Variants in RUNX1 observed in about 807,000 individuals in gnomAD.
RUNX1 encodes the protein runt-related transcription factor 1.
A neutral mutation model predicts 42.8 loss-of-function variants in RUNX1; 19 were observed. The ratio of observed to expected loss-of-function variants is 0.44; its 90% CI spans 0.31 to 0.65. RUNX1 has a LOEUF of 0.65. Ranked by LOEUF, RUNX1 falls within the 30% of genes least tolerant of loss-of-function variation. The probability of loss-of-function intolerance (pLI) is 0.07; values close to 1 mark genes in which losing one functional copy is unlikely to be tolerated. For missense variants in RUNX1, 528 were observed against 672.0 expected, an observed-to-expected ratio of 0.79 and a Z score of 2.37; for synonymous variants, 271 against 289.4, an observed-to-expected ratio of 0.94 and a Z score of 0.64.
chr21:35,000,220 A>G (rs1328608313), intron 2 of RUNX1, among the ~76,000 whole-genome samples: 1 of 150,210 alleles, frequency 6.7e-6, no homozygotes, highest in Admixed American at 6.6e-5. Context: ...AGACGATCAT[A>G]TAATTTTCTT....
At chr21:34,893,459 C>G (rs1012879760) in intron 2 of RUNX1, among the ~76,000 whole-genome samples, 1 of 152,180 alleles carries the variant, frequency 6.6e-6, no homozygotes, top group Non-Finnish European at 1.5e-5. Context: ...AAACCTCTCA[C>G]AAGTTCTAAT....
At chr21:35,027,158 G>A (rs1205756439) in intron 2 of RUNX1, among the ~76,000 whole-genome samples, 1 of 152,150 alleles carries the variant, frequency 6.6e-6, no homozygotes, top group Non-Finnish European at 1.5e-5. Context: ...GAAGGGAGGG[G>A]GTGAAGCCCG....
At chr21:34,839,028 T>C (rs1168330785) in intron 6 of RUNX1, among the ~76,000 whole-genome samples, 1 of 152,094 alleles carries the variant, frequency 6.6e-6, no homozygotes, top group East Asian at 1.9e-4. Flanking sequence ...GTAGCCTCAC[T>C]TTCCCCCACC....
At chr21:34,891,610 CT>C (rs1409273046) in intron 3 of RUNX1, among the ~76,000 whole-genome samples, 1 of 151,920 alleles carries the variant, frequency 6.6e-6, no homozygotes, top group African/African-American at 2.4e-5. Context: ...ATTCCCCTTC[CT>C]TTGCCTAAGG....
chr21:34,942,278 A>G (rs1021476956), intron 2 of RUNX1, among the ~76,000 whole-genome samples: 7 of 152,152 alleles, frequency 4.6e-5, no homozygotes. Context: ...TCCAAGATTT[A>G]TAAGACTGCA....
intron 2 of RUNX1, among the ~76,000 whole-genome samples, chr21:35,006,469 C>T (rs1484756141): frequency 1.3e-5 from 2 of 152,128 alleles, no homozygotes; most frequent in Non-Finnish European, 2.9e-5. Flanking sequence ...AAGAAAACTA[C>T]CCACATGGCT....
chr21:34,910,771 G>C (rs1286416859), intron 2 of RUNX1, among the ~76,000 whole-genome samples: 3 of 151,876 alleles, frequency 2.0e-5, no homozygotes, highest in African/African-American at 7.3e-5. Context: ...ATTTTTTGTC[G>C]TTATGTTATT....
intron 6 of RUNX1, among the ~76,000 whole-genome samples, chr21:34,838,225 T>G (rs1347869185): frequency 6.6e-6 from 1 of 152,058 alleles, no homozygotes; most frequent in Non-Finnish European, 1.5e-5. Context: ...TCTGTGGCTG[T>G]AAGTAACATA....
intron 2 of RUNX1, among the ~76,000 whole-genome samples, chr21:34,951,441 C>G (rs2058606553): frequency 6.6e-6 from 1 of 152,120 alleles, no homozygotes; most frequent in Non-Finnish European, 1.5e-5. Context: ...TTGCCCATGC[C>G]TATGTCCTGA....
chr21:34,861,341 G>A lies in RUNX1; in HGVS notation c.509-1763C>T, dbSNP rs11909054. Among the ~76,000 whole-genome samples the A allele has an allele frequency of 5.3e-3, 807 of 152,274 alleles. 9 individuals carry two copies. Among genetic ancestry groups the A allele is most frequent in the African/African-American group, 0.018 (753 of 41,556 alleles). ...GCTGCCGCAGAGGGAGGCAGGTCCTGGGGGCAACTGCCCATCTCACTGGGC... is the reference window on the plus strand; with the variant it reads ...GCTGCCGCAGAGGGAGGCAGGTCCTAGGGGCAACTGCCCATCTCACTGGGC... On this transcript the variant is annotated intron_variant, in intron 5 of 8. Coordinates refer to ENST00000675419, the MANE Select transcript of RUNX1 (RefSeq NM_001754.5).
intron 7 of RUNX1, among the ~76,000 whole-genome samples, chr21:34,831,549 G>A (rs2246738): frequency 0.31 from 46,394 of 152,022 alleles, 7,675 homozygotes; most frequent in East Asian, 0.49. Flanking sequence ...ATCCCGGCAA[G>A]CTCGCCAAAC....
At chr21:35,032,706 T>G (rs2059281358) in intron 2 of RUNX1, among the ~76,000 whole-genome samples, 1 of 152,222 alleles carries the variant, frequency 6.6e-6, no homozygotes, top group Admixed American at 6.5e-5. Flanking sequence ...GCCTGGCACC[T>G]CTGGACAGAA....
intron 3 of RUNX1, among the ~76,000 whole-genome samples, chr21:34,890,938 C>T (rs978001683): frequency 6.6e-6 from 1 of 152,158 alleles, no homozygotes; most frequent in African/African-American, 2.4e-5. Flanking sequence ...GGGCCACCCC[C>T]ACGTGCATCC....
At chr21:34,830,599 A>C (rs1321556056) in intron 7 of RUNX1, among the ~76,000 whole-genome samples, 1 of 152,226 alleles carries the variant, frequency 6.6e-6, no homozygotes, top group Admixed American at 6.5e-5. Flanking sequence ...GTGCACGCCC[A>C]GGGAACGGCC....
chr21:34,931,162 G>A (rs901020479), intron 2 of RUNX1, among the ~76,000 whole-genome samples: 4 of 151,922 alleles, frequency 2.6e-5, no homozygotes, highest in African/African-American at 9.7e-5. Context: ...TTTTGACTTG[G>A]GTTGTGCTAA....
At chr21:34,930,480 T>C (rs2058435070) in intron 2 of RUNX1, among the ~76,000 whole-genome samples, 1 of 151,674 alleles carries the variant, frequency 6.6e-6, no homozygotes, top group African/African-American at 2.4e-5. Flanking sequence ...ACAGCAAGAA[T>C]GAGTGCTGTG....
Position 34,792,641 on chromosome 21 carries a change from G to A in RUNX1, c.968-31C>T, listed in dbSNP as rs1708892077. 6.5e-7 allele frequency: 1 copy of A among 1,543,510 alleles called. No individual in the cohort carries two copies. Among genetic ancestry groups the A allele is most frequent in the Non-Finnish European group, 8.8e-7 (1 of 1,142,508 alleles). On this transcript the variant is annotated intron_variant, in intron 8 of 8. Coordinates refer to ENST00000675419, the MANE Select transcript of RUNX1 (RefSeq NM_001754.5). This position sits in a 1 kb window ranked among gnomAD's most constrained non-coding sequence, Gnocchi z 6.9. ...GGGCGGGCAAGAGAACGGAGCGGAA[G>A]TGAGTAGGAGGTTGCGGAGGCCACA...
chr21:35,022,770 C>T (rs955384685), intron 2 of RUNX1, among the ~76,000 whole-genome samples: 3 of 151,810 alleles, frequency 2.0e-5, no homozygotes, highest in Admixed American at 2.0e-4. Flanking sequence ...TGGCGGGTGC[C>T]CGTAATCCCG....
chr21:34,854,966 TAAAC>T (rs1259712311), intron 6 of RUNX1, among the ~76,000 whole-genome samples: 3 of 152,158 alleles, frequency 2.0e-5, no homozygotes, highest in South Asian at 2.1e-4. Context: ...TATATTTAAT[TAAAC>T]AAACAAACAA....
Sources: gnomAD v4.1 joint callset for allele counts (sites outside exome capture counted in the v4.1 genomes callset) on GRCh38, gnomAD v4.1.1 for gene constraint, Gnocchi (gnomAD v3.1) non-coding constraint, MANE v1.5 for transcripts, NCBI Gene and HGNC (gene_info 2026-07-23, HGNC 2026-07-21) for gene names.